SRD5A2: variants seen among roughly 807,000 people sequenced by gnomAD.
SRD5A2 encodes the protein steroid 5 alpha-reductase 2, also known as 3-oxo-5-alpha-steroid 4-dehydrogenase 2.
In SRD5A2, 30 loss-of-function variants were observed where a neutral mutation model predicts 27.4. The observed-to-expected ratio is 1.10, with a 90% CI of 0.82 to 1.49. The LOEUF (loss-of-function observed/expected upper bound fraction) is 1.49. Among genes scored for constraint, SRD5A2 ranks in the 40% most tolerant of loss-of-function variants. The pLI, the probability that SRD5A2 is intolerant of heterozygous loss-of-function variation, is 0.00. For synonymous variants in SRD5A2, 141 were observed against 133.6 expected (o/e 1.06, Z -0.38); for missense variants, 348 against 323.4 (o/e 1.08, Z -0.58).
chr2:31,593,760 G>T, the SRD5A2 span, among the ~76,000 whole-genome samples: 9 of 152,258 alleles, frequency 5.9e-5, no homozygotes, highest in African/African-American at 1.9e-4. Flanking sequence ...GTTATCTAAA[G>T]TCAAGATGAA....
chr2:31,627,894 T>G, the SRD5A2 span, among the ~76,000 whole-genome samples: 1 of 152,280 alleles, frequency 6.6e-6, no homozygotes, highest in Non-Finnish European at 1.5e-5. Flanking sequence ...TATGCCAAAT[T>G]ACGTAGTCAA....
chr2:31,618,442 T>C, the SRD5A2 span, among the ~76,000 whole-genome samples: 381 of 152,094 alleles, frequency 2.5e-3, 1 homozygote, highest in African/African-American at 8.7e-3. Flanking sequence ...CACCAACACA[T>C]GAACGGACAA....
rs1665687511 is a variant in SRD5A2, at chr2:31,522,915, G to A, written c.*3281C>T. The A allele has an allele frequency of 4.5e-6, 1 of 223,076 alleles. No individual in the cohort carries two copies. The highest frequency in any genetic ancestry group is 8.9e-6 in the Non-Finnish European group (1 of 111,816). 13.8% of individuals were successfully genotyped at this position (223,076 alleles called of 1,614,324 possible). A position where few individuals can be genotyped will look rare whatever the true frequency, so the allele number is the denominator to read the frequency against. Reference sequence around the variant, plus strand: ...CAAGAGCTTGCTCCCCTGCTTCTTAGTGAGATTGCCATGAGGTAACCACAA... The same window carrying A: ...CAAGAGCTTGCTCCCCTGCTTCTTAATGAGATTGCCATGAGGTAACCACAA... On this transcript the variant is annotated 3_prime_UTR_variant, in exon 5 of 5. Transcript: ENST00000622030.
At chr2:31,631,143 T>A in the SRD5A2 span, among the ~76,000 whole-genome samples, 1 of 152,126 alleles carries the variant, frequency 6.6e-6, no homozygotes, top group African/African-American at 2.4e-5. Context: ...TTTATGGGAG[T>A]GCATCTTGAT....
At position 31,533,705 on chromosome 2, in the gene SRD5A2, C is replaced by T; in HGVS notation, c.343G>A (p.Gly115Ser). 1 of 1,594,374 alleles carries T rather than the reference C, an allele frequency of 6.3e-7. No individual in the cohort carries two copies. ...RPYPAILILR[G>S]TAFCTGNGVL... is the part of the protein sequence containing the mutation. Reference sequence around the variant, plus strand: ...CCATTTCCAGTGCAGAAGGCAGTGCCTCTGAGAATGAGTATAGCTGGATAA... The same window carrying T: ...CCATTTCCAGTGCAGAAGGCAGTGCTTCTGAGAATGAGTATAGCTGGATAA... The change falls in exon 2 of 5, where the codon GGC (glycine) becomes AGC (serine). Residue 115 changes from glycine (G) to serine (S), a missense_variant. Transcript: ENST00000622030.
the SRD5A2 span, among the ~76,000 whole-genome samples, chr2:31,589,717 T>A: frequency 6.6e-6 from 1 of 151,928 alleles, no homozygotes; most frequent in Non-Finnish European, 1.5e-5. Context: ...TAATTTTGGC[T>A]GAGTACGAAT....
the SRD5A2 span, among the ~76,000 whole-genome samples, chr2:31,601,060 G>A: frequency 3.6e-4 from 54 of 151,930 alleles, no homozygotes; most frequent in African/African-American, 1.2e-3. Flanking sequence ...CAGAAGACAA[G>A]AAATAACCAA....
chr2:31,605,594 G>A, the SRD5A2 span, among the ~76,000 whole-genome samples: 1 of 151,874 alleles, frequency 6.6e-6, no homozygotes, highest in Non-Finnish European at 1.5e-5. Flanking sequence ...ACTACAATGA[G>A]ATATCATCTC....
At chr2:31,600,206 G>A in the SRD5A2 span, among the ~76,000 whole-genome samples, 558 of 151,950 alleles carry the variant, frequency 3.7e-3, 4 homozygotes, top group African/African-American at 0.013. Flanking sequence ...GTATATATGT[G>A]CCACATTTTT....
chr2:31,543,175 A>C (rs1455102659), intron 1 of SRD5A2, among the ~76,000 whole-genome samples: 2 of 152,202 alleles, frequency 1.3e-5, no homozygotes, highest in African/African-American at 4.8e-5. Flanking sequence ...ATAAAAAAGA[A>C]ACTGTCAAGC....
At chr2:31,537,675 C>G (rs961704923) in intron 1 of SRD5A2, among the ~76,000 whole-genome samples, 1 of 152,156 alleles carries the variant, frequency 6.6e-6, no homozygotes, top group African/African-American at 2.4e-5. Flanking sequence ...TCTATGTGAT[C>G]ACATCTAGAC....
intron 1 of SRD5A2, among the ~76,000 whole-genome samples, chr2:31,570,390 C>A (rs538432869): frequency 6.6e-6 from 1 of 152,056 alleles, no homozygotes; most frequent in Non-Finnish European, 1.5e-5. Context: ...ATAACAAGAG[C>A]CATCAATGAC....
At chr2:31,556,201 C>T (rs373046127) in intron 1 of SRD5A2, among the ~76,000 whole-genome samples, 1 of 152,096 alleles carries the variant, frequency 6.6e-6, no homozygotes, top group Non-Finnish European at 1.5e-5. Context: ...TGGATGGTAC[C>T]TGTTGTGTAA....
chr2:31,569,968 A>G (rs1666818963), intron 1 of SRD5A2, among the ~76,000 whole-genome samples: 1 of 152,066 alleles, frequency 6.6e-6, no homozygotes, highest in Admixed American at 6.6e-5. Context: ...AGCTGGTACC[A>G]CTCCTACTTA....
chr2:31,642,768 T>C, the SRD5A2 span, among the ~76,000 whole-genome samples: 2 of 151,974 alleles, frequency 1.3e-5, no homozygotes, highest in South Asian at 4.1e-4. Flanking sequence ...AACCCAAATG[T>C]CCACTAAGAG....
the SRD5A2 span, among the ~76,000 whole-genome samples, chr2:31,633,665 C>A: frequency 6.6e-6 from 1 of 152,096 alleles, no homozygotes; most frequent in African/African-American, 2.4e-5. Context: ...CCTACTATGC[C>A]CCAATTCAGC....
the SRD5A2 span, among the ~76,000 whole-genome samples, chr2:31,637,054 T>A: frequency 1.5e-3 from 225 of 152,246 alleles, 1 homozygote; most frequent in Admixed American, 4.3e-3. Flanking sequence ...TGGTATTAGT[T>A]CTTCTTTAAA....
At chr2:31,549,198 C>T (rs1015493923) in intron 1 of SRD5A2, among the ~76,000 whole-genome samples, 3 of 151,056 alleles carry the variant, frequency 2.0e-5, no homozygotes, top group South Asian at 2.1e-4. Flanking sequence ...CTGCAACCGC[C>T]GCCTCCCAGG....
At chr2:31,567,280 A>G (rs1318022117) in intron 1 of SRD5A2, among the ~76,000 whole-genome samples, 1 of 152,148 alleles carries the variant, frequency 6.6e-6, no homozygotes, top group Admixed American at 6.5e-5. Flanking sequence ...CTTGTTGAAC[A>G]TTTCCAGATG....
Sources: gnomAD v4.1 joint callset for allele counts (sites outside exome capture counted in the v4.1 genomes callset) on GRCh38, gnomAD v4.1.1 for gene constraint, MANE v1.5 for transcripts, NCBI Gene and HGNC (gene_info 2026-07-23, HGNC 2026-07-21) for gene names.